ABI3BP: variants seen among roughly 807,000 people sequenced by gnomAD.
The protein encoded by ABI3BP is ABI family member 3 binding protein.
In ABI3BP, 216 loss-of-function variants were observed where a neutral mutation model predicts 268.6. That is an observed-to-expected ratio of 0.80 (90% CI 0.72 to 0.90). The LOEUF (loss-of-function observed/expected upper bound fraction) is 0.90, where lower values mean the gene tolerates loss of function less well. Among genes scored for constraint, ABI3BP ranks in the 40% least tolerant of loss-of-function variants. The pLI is 0.00. For missense variants in ABI3BP, 2,090 were observed against 2,182.4 expected, an observed-to-expected ratio of 0.96 and a Z score of 0.84; for synonymous variants, 730 against 730.0, an observed-to-expected ratio of 1.00 and a Z score of 0.00.
chr3:100,802,011 A>C (rs17354), intron 51 of ABI3BP, among the ~76,000 whole-genome samples: 1 of 152,186 alleles, frequency 6.6e-6, no homozygotes, highest in Non-Finnish European at 1.5e-5. Flanking sequence ...AAATCTGGCA[A>C]TATTTTAAAG....
rs1327712804 is a variant in ABI3BP, at chr3:100,804,793, A to T, written c.3756T>A (p.Pro1252=). ...SPSPEVSYTT[P]APKDVLLPHK... The stretch of plus-strand genomic sequence containing the variant: ...TTAAACATGAAATAAAGCATTTACC[A>T]GGTGTGGTGTATGACACTTCTGGAC... The change falls in exon 51 of 68, where the codon CCT becomes CCA. Residue 1252 remains proline (P), a splice_region_variant and synonymous_variant. Coordinates refer to ENST00000471714, the MANE Select transcript of ABI3BP (RefSeq NM_001375547.2). 6.2e-7 allele frequency: 1 copy of T among 1,612,692 alleles called. No homozygotes were observed.
intron 55 of ABI3BP, among the ~76,000 whole-genome samples, chr3:100,790,747 G>A (rs956764128): frequency 1.3e-5 from 2 of 151,930 alleles, no homozygotes; most frequent in Non-Finnish European, 2.9e-5. Flanking sequence ...GGGATTCCCT[G>A]TTAATTTAGC....
chr3:100,915,504 A>G (rs1045937062), intron 2 of ABI3BP, among the ~76,000 whole-genome samples: 1 of 152,124 alleles, frequency 6.6e-6, no homozygotes, highest in Non-Finnish European at 1.5e-5. Flanking sequence ...CTGAATAGGG[A>G]TGGGAAGTAG....
At chr3:100,920,499 C>A (rs1475420990) in intron 2 of ABI3BP, among the ~76,000 whole-genome samples, 1 of 152,132 alleles carries the variant, frequency 6.6e-6, no homozygotes, top group Non-Finnish European at 1.5e-5. Context: ...TCTTGGCTCA[C>A]TGCAACCTCC....
chr3:100,974,362 T>C (rs970139852), intron 1 of ABI3BP, among the ~76,000 whole-genome samples: 9 of 152,186 alleles, frequency 5.9e-5, no homozygotes, highest in African/African-American at 2.2e-4. Flanking sequence ...AACCCTACTG[T>C]TGAATTGGTG....
chr3:100,929,636 TC>T (rs2062980215), intron 1 of ABI3BP, among the ~76,000 whole-genome samples: 1 of 152,026 alleles, frequency 6.6e-6, no homozygotes, highest in South Asian at 2.1e-4. Flanking sequence ...AACTCAAATG[TC>T]TTCATTATCT....
rs541904819 is a variant in ABI3BP, at chr3:100,892,662, G to A, written c.461+6100C>T. On this transcript the variant is annotated intron_variant, in intron 4 of 67. Coordinates refer to ENST00000471714, the MANE Select transcript of ABI3BP (RefSeq NM_001375547.2). ...ACAGCAACAAAAGCAATTTCTGAGA[G>A]CTTTTAAAAATGCAGATTCTCAGGC... Among the ~76,000 whole-genome samples, 6 of 152,332 alleles carry A rather than the reference G, an allele frequency of 3.9e-5. No homozygotes were observed. The South Asian group carries it at 8.3e-4, about 21-fold the overall frequency.
At chr3:100,981,372 C>T (rs1266197554) in intron 1 of ABI3BP, among the ~76,000 whole-genome samples, 1 of 152,032 alleles carries the variant, frequency 6.6e-6, no homozygotes, top group East Asian at 1.9e-4. Flanking sequence ...GGGTGGAAGC[C>T]AGGAGAATGC....
rs1199403094 is a variant in ABI3BP, at chr3:100,816,760, T to C, written c.3157A>G (p.Thr1053Ala). The C allele has an allele frequency of 6.5e-7, 1 of 1,535,718 alleles. No homozygotes were observed. Among genetic ancestry groups the C allele is most frequent in the Admixed American group, 2.0e-5 (1 of 50,958 alleles). ...GGACGGGGACGACGTGTCCGTTGTGTTTTAGGAGCTGAAGGAAGAAACTTT... is the reference window on the plus strand; with the variant it reads ...GGACGGGGACGACGTGTCCGTTGTGCTTTAGGAGCTGAAGGAAGAAACTTT... ...KFPETTLAPK[T>A]QRTRRPRPRP... The change falls in exon 43 of 68, where the codon ACA becomes GCA. Residue 1053 changes from threonine (T) to alanine (A), a missense_variant. Coordinates refer to ENST00000471714, the MANE Select transcript of ABI3BP (RefSeq NM_001375547.2).
In ABI3BP at chr3:100,841,911, A is replaced by C. The variant is rs2098709564; in HGVS notation, c.1765+87T>G. On this transcript the variant is annotated intron_variant, in intron 21 of 67. Transcript: ENST00000471714. Reference sequence around the variant, plus strand: ...ACTTCATCTGGAGAAGAAAAAAAAAAAAAAACAAAACCCAAAGCTGAACAA... The same window carrying C: ...ACTTCATCTGGAGAAGAAAAAAAAACAAAAACAAAACCCAAAGCTGAACAA... 5.0e-6 allele frequency: 6 copies of C among 1,197,774 alleles called. No individual in the cohort carries two copies. The East Asian group carries it at 7.8e-5, about 16-fold the overall frequency. 74.2% of individuals were successfully genotyped at this position (1,197,774 alleles called of 1,614,324 possible).
intron 51 of ABI3BP, among the ~76,000 whole-genome samples, chr3:100,804,219 T>C (rs1401453566): frequency 1.3e-5 from 2 of 152,156 alleles, no homozygotes; most frequent in Non-Finnish European, 2.9e-5. Context: ...ACCTTCCCCA[T>C]ATGTGAACAA....
At chr3:100,967,577 G>A (rs2081868347) in intron 1 of ABI3BP, among the ~76,000 whole-genome samples, 1 of 151,644 alleles carries the variant, frequency 6.6e-6, no homozygotes, top group South Asian at 2.1e-4. Context: ...CAACCTTTTG[G>A]AGCACCAATA....
intron 4 of ABI3BP, among the ~76,000 whole-genome samples, chr3:100,892,070 C>T (rs529708597): frequency 2.4e-3 from 370 of 152,342 alleles, no homozygotes; most frequent in African/African-American, 8.6e-3. Context: ...ATTTACACCT[C>T]ATTTCATGAG....
At chr3:100,761,992 G>T (rs1466812985) in intron 63 of ABI3BP, among the ~76,000 whole-genome samples, 2 of 152,062 alleles carry the variant, frequency 1.3e-5, no homozygotes, top group African/African-American at 4.8e-5. Flanking sequence ...ACCTCATGAG[G>T]GAATTTTAAC....
chr3:100,820,239 C>G lies in ABI3BP; in HGVS notation c.3012G>C (p.Glu1004Asp). The change falls in exon 40 of 68, where the codon GAG becomes GAC. Residue 1004 changes from glutamate to aspartate, a missense_variant. Coordinates refer to ENST00000471714, the MANE Select transcript of ABI3BP (RefSeq NM_001375547.2). ...RPKTKTTPSP[E>D]VPQTKLVPST... ...ATTTACCCAGTTTGGTTTGAGGAAC[C>G]TCAGGACTTGGTGTGGTTTTAGTTT... 6.5e-7 allele frequency: 1 copy of G among 1,536,144 alleles called. No individual in the cohort carries two copies. Among genetic ancestry groups the G allele is most frequent in the Non-Finnish European group, 8.7e-7 (1 of 1,146,830 alleles).
At chr3:100,801,542 T>C (rs79173291) in intron 51 of ABI3BP, among the ~76,000 whole-genome samples, 1,534 of 152,054 alleles carry the variant, frequency 0.01, 30 homozygotes, top group African/African-American at 0.035. Flanking sequence ...AGGAAGGCAC[T>C]GAGTCACTAA....
intron 14 of ABI3BP, among the ~76,000 whole-genome samples, chr3:100,855,517 A>C (rs879840339): frequency 6.6e-6 from 1 of 152,248 alleles, no homozygotes; most frequent in Non-Finnish European, 1.5e-5. Flanking sequence ...AAACTGGTAC[A>C]TGGTGGATAC....
intron 1 of ABI3BP, among the ~76,000 whole-genome samples, chr3:100,987,431 C>T (rs1366217138): frequency 1.3e-5 from 2 of 152,096 alleles, no homozygotes; most frequent in Non-Finnish European, 2.9e-5. Context: ...TATCTTATAG[C>T]CCAATATAGC....
At chr3:100,816,482 G>A in intron 43 of ABI3BP, 1 of 641,396 alleles carries the variant, frequency 1.6e-6, no homozygotes, top group Admixed American at 2.4e-5. Context: ...AGTCATTTAG[G>A]AGATCAGGCA....
Sources: gnomAD v4.1 joint callset for allele counts (sites outside exome capture counted in the v4.1 genomes callset) on GRCh38, gnomAD v4.1.1 for gene constraint, MANE v1.5 for transcripts, NCBI Gene and HGNC (gene_info 2026-07-23, HGNC 2026-07-21) for gene names.